Variants in PHIP observed in about 807,000 individuals in gnomAD.
The protein encoded by PHIP is PH-interacting protein.
A neutral mutation model predicts 236.8 loss-of-function variants in PHIP; 54 were observed. The ratio of observed to expected loss-of-function variants is 0.23; its 90% CI spans 0.18 to 0.29. The LOEUF is 0.29. Ranked by LOEUF, PHIP falls within the 10% of genes least tolerant of loss-of-function variation. PHIP has a pLI of 1.00. For synonymous variants in PHIP, 756 were observed against 718.9 expected, an observed-to-expected ratio of 1.05 and a Z score of -0.83; for missense variants, 1,370 against 2,190.8, an observed-to-expected ratio of 0.63 and a Z score of 7.48.
intron 17 of PHIP, among the ~76,000 whole-genome samples, chr6:78,999,861 G>C (rs1456172189): frequency 6.6e-6 from 1 of 151,980 alleles, no homozygotes; most frequent in Non-Finnish European, 1.5e-5. Flanking sequence ...CAAAGTAGAA[G>C]TAGTAAAAGC....
At chr6:79,032,795 C>T (rs553382871) in intron 7 of PHIP, among the ~76,000 whole-genome samples, 3 of 151,482 alleles carry the variant, frequency 2.0e-5, no homozygotes, top group Non-Finnish European at 2.9e-5. Context: ...CGATAATAAT[C>T]GATTCTCAAT....
rs370343096 is a variant in PHIP, at chr6:79,002,014, A to T, written c.1764T>A (p.Pro588=). 9 of 1,613,134 alleles carry T rather than the reference A, an allele frequency of 5.6e-6. No homozygotes were observed. Among genetic ancestry groups the T allele is most frequent in the Non-Finnish European group, 6.8e-6 (8 of 1,179,432 alleles). ...TQQAPHLMPP[P]FLVDVDGNPH... ...GGTTACCATCAACATCAACCAAAAA[A>T]GGGGGAGGCATAAGATGAGGTGCTT... The change falls in exon 17 of 40, where the codon CCT becomes CCA. Residue 588 remains proline (P), a synonymous_variant. Coordinates refer to ENST00000275034, the MANE Select transcript of PHIP (RefSeq NM_017934.7).
rs1773265858 is a variant in PHIP at position 78,936,163 on chromosome 6, C to A, written c.*4530G>T. ...TAAATAATTAATTTGTTTTAAAACT[C>A]TGTGTTACTTATTACATACAACAGA... On this transcript the variant is annotated 3_prime_UTR_variant, in exon 40 of 40. Coordinates refer to ENST00000275034, the MANE Select transcript of PHIP (RefSeq NM_017934.7). 1 of 151,952 alleles carries A rather than the reference C, an allele frequency of 6.6e-6. No homozygotes were observed. Among genetic ancestry groups the A allele is most frequent in the Non-Finnish European group, 1.5e-5 (1 of 67,840 alleles). The allele number at this position is 151,952 out of a possible 1,614,324, so 9.4% of individuals were successfully genotyped here. A position where few individuals can be genotyped will look rare whatever the true frequency, so the allele number is the denominator to read the frequency against.
intron 4 of PHIP, among the ~76,000 whole-genome samples, chr6:79,075,533 CAG>C (rs1774107193): frequency 6.6e-6 from 1 of 151,696 alleles, no homozygotes; most frequent in Non-Finnish European, 1.5e-5. Flanking sequence ...ATCTGCGATG[CAG>C]ACTAGGGATA....
chr6:78,955,507 T>G, intron 33 of PHIP, 106 bp downstream of exon 33: 1 of 562,150 alleles, frequency 1.8e-6, no homozygotes, highest in Non-Finnish European at 3.2e-6. Context: ...TTAACTACAC[T>G]AGACAAAAAA....
intron 6 of PHIP, among the ~76,000 whole-genome samples, chr6:79,046,088 C>A (rs554395024): frequency 2.0e-5 from 3 of 152,228 alleles, no homozygotes; most frequent in African/African-American, 7.2e-5. Context: ...CCTAAGACGG[C>A]CCTGCAGAAA....
intron 6 of PHIP, among the ~76,000 whole-genome samples, chr6:79,059,591 T>TTATATATATATATATATATATATA (rs72226338): frequency 4.1e-4 from 35 of 84,722 alleles, no homozygotes; most frequent in African/African-American, 8.0e-4. Flanking sequence ...GAAAGCAAAA[T>TTATATATATATATATATATATATA]TATATATATA....
intron 6 of PHIP, among the ~76,000 whole-genome samples, chr6:79,050,269 T>A (rs1490275165): frequency 6.6e-6 from 1 of 152,158 alleles, no homozygotes; most frequent in Non-Finnish European, 1.5e-5. Flanking sequence ...ATTTACTGAG[T>A]GTTTTACTAC....
intron 6 of PHIP, among the ~76,000 whole-genome samples, chr6:79,059,911 G>A (rs909883897): frequency 4.6e-5 from 7 of 151,890 alleles, no homozygotes; most frequent in Admixed American, 2.6e-4. Context: ...TACTATTACA[G>A]TGTTACACAC....
At chr6:78,972,164 T>G (rs534190234) in intron 24 of PHIP, among the ~76,000 whole-genome samples, 1 of 150,024 alleles carries the variant, frequency 6.7e-6, no homozygotes, top group Non-Finnish European at 1.5e-5. Context: ...GTTCTCCCAG[T>G]ACGCAGCTGG....
chr6:79,019,979 T>C (rs954113904), intron 9 of PHIP, among the ~76,000 whole-genome samples: 7 of 152,158 alleles, frequency 4.6e-5, no homozygotes, highest in Non-Finnish European at 1.0e-4. Context: ...ACTGTACATT[T>C]TGGCATAGTT....
Position 78,945,695 on chromosome 6 carries a change from C to G in PHIP, c.4631-198G>C, listed in dbSNP as rs564231734. ...TTAATAGTTTCAGCCCTTTTAGAAG[C>G]TGTCCCATCATTTCAAAATTTCGAA... is the stretch of plus-strand genomic sequence containing the variant. On this transcript the variant is annotated intron_variant, in intron 38 of 39. Coordinates refer to ENST00000275034, the MANE Select transcript of PHIP (RefSeq NM_017934.7). 196 of 608,650 alleles carry G rather than the reference C, an allele frequency of 3.2e-4. No homozygotes were observed. In the East Asian group the frequency reaches 5.0e-3, roughly 15 times the overall value. The allele number at this position is 608,650 out of a possible 1,614,324, so 37.7% of individuals were successfully genotyped here. A position where few individuals can be genotyped will look rare whatever the true frequency, so the allele number is the denominator to read the frequency against.
At chr6:78,976,217 G>A (rs1768050593) in intron 24 of PHIP, among the ~76,000 whole-genome samples, 2 of 148,318 alleles carry the variant, frequency 1.3e-5, no homozygotes, top group Admixed American at 6.7e-5. Flanking sequence ...CAGAAATAAC[G>A]CCGCATATCT....
At position 79,031,258 on chromosome 6, in the gene PHIP, T is replaced by C. The variant is rs1056152609; in HGVS notation, c.601-5094A>G. On this transcript the variant is annotated intron_variant, in intron 7 of 39. Transcript: ENST00000275034. ...CACACCAAGCCTCATTTTTCAATAA[T>C]GTAAAATGGTTATAATTACTGCGAA... Among the ~76,000 whole-genome samples the C allele has an allele frequency of 4.6e-5, 7 of 152,242 alleles. No homozygotes were observed. In the East Asian group the frequency reaches 9.6e-4, roughly 21 times the overall value.
chr6:79,047,022 C>G (rs993684073), intron 6 of PHIP, among the ~76,000 whole-genome samples: 1 of 151,274 alleles, frequency 6.6e-6, no homozygotes, highest in Non-Finnish European at 1.5e-5. Flanking sequence ...AAGGGGAGAA[C>G]GTATTCACTT....
rs761570463 is a variant in PHIP, at chr6:79,074,225, A to G, written c.189+3223T>C. Among the ~76,000 whole-genome samples the G allele has an allele frequency of 3.0e-4, 46 of 152,134 alleles. 1 individual carries two copies. The highest frequency in any genetic ancestry group is 4.6e-4 in the Non-Finnish European group (31 of 67,970). ...TATTTTACAAGGAAAAAATTAAATC[A>G]TTTTAACAGATTGGCAAAACATGAA... is the stretch of plus-strand genomic sequence containing the variant. On this transcript the variant is annotated intron_variant, in intron 4 of 39. Transcript: ENST00000275034.
At chr6:79,011,139 T>A (rs1770553539) in intron 15 of PHIP, among the ~76,000 whole-genome samples, 1 of 151,878 alleles carries the variant, frequency 6.6e-6, no homozygotes, top group Admixed American at 6.6e-5. Context: ...CTCCTGCCAA[T>A]GCCAAACAAA....
At chr6:79,034,722 C>T (rs1351958121) in intron 7 of PHIP, among the ~76,000 whole-genome samples, 1 of 152,092 alleles carries the variant, frequency 6.6e-6, no homozygotes, top group African/African-American at 2.4e-5. Flanking sequence ...AATTTAGGCC[C>T]AGATGTTGCA....
At chr6:78,954,167 T>A (rs921837194) in intron 35 of PHIP, among the ~76,000 whole-genome samples, 5 of 151,934 alleles carry the variant, frequency 3.3e-5, no homozygotes, top group Non-Finnish European at 5.9e-5. Context: ...GGCAGTGGGA[T>A]CTCGGCTCAC....
Sources: gnomAD v4.1 joint callset for allele counts (sites outside exome capture counted in the v4.1 genomes callset) on GRCh38, gnomAD v4.1.1 for gene constraint, MANE v1.5 for transcripts, NCBI Gene and HGNC (gene_info 2026-07-23, HGNC 2026-07-21) for gene names.